The following RAB38 variants were observed in gnomAD, a reference collection of about 807,000 sequenced individuals.
RAB38 encodes ras-related protein Rab-38.
In RAB38, 15 loss-of-function variants were observed where a neutral mutation model predicts 18.4. The ratio of observed to expected loss-of-function variants is 0.82; its 90% confidence interval spans 0.55 to 1.26. The LOEUF (loss-of-function observed/expected upper bound fraction) is 1.26, where lower values mean the gene tolerates loss of function less well. RAB38 is among the 50% of genes most tolerant of loss of function. RAB38 has a pLI of 0.00. For synonymous variants in RAB38, 101 were observed against 104.4 expected (o/e 0.97, Z 0.20); for missense variants, 294 against 267.4 (o/e 1.10, Z -0.69).
the RAB38 span, among the ~76,000 whole-genome samples, chr11:87,947,763 A>G: frequency 3.1e-4 from 47 of 152,330 alleles, no homozygotes; most frequent in African/African-American, 1.1e-3. Context: ...TTTTGGTACC[A>G]GTACCATGCT....
the RAB38 span, among the ~76,000 whole-genome samples, chr11:87,969,000 A>C: frequency 3.9e-5 from 6 of 152,140 alleles, no homozygotes; most frequent in Non-Finnish European, 8.8e-5. Flanking sequence ...CGTCATCACT[A>C]TGCAGTATAT....
the RAB38 span, among the ~76,000 whole-genome samples, chr11:87,964,725 TA>T: frequency 6.4e-4 from 98 of 152,008 alleles, no homozygotes; most frequent in Middle Eastern, 3.4e-3. Flanking sequence ...AAAAAAAAAT[TA>T]AAAAAAATTG....
the RAB38 span, among the ~76,000 whole-genome samples, chr11:87,953,333 T>C: frequency 6.6e-6 from 1 of 152,154 alleles, no homozygotes; most frequent in African/African-American, 2.4e-5. Flanking sequence ...TAGAGAGTGA[T>C]GGGAGATACT....
chr11:88,118,459 T>C (rs190825419), intron 2 of RAB38, among the ~76,000 whole-genome samples: 7 of 152,348 alleles, frequency 4.6e-5, no homozygotes, highest in Non-Finnish European at 8.8e-5. Context: ...ATATAATTGA[T>C]TGAGCTAGTT....
At chr11:88,127,549 C>T (rs570603358) in intron 2 of RAB38, among the ~76,000 whole-genome samples, 2 of 152,288 alleles carry the variant, frequency 1.3e-5, no homozygotes, top group South Asian at 4.2e-4. Flanking sequence ...ATTCATTAAC[C>T]AATTTTATAT....
At chr11:88,125,209 C>G (rs945547465) in intron 2 of RAB38, among the ~76,000 whole-genome samples, 1 of 152,154 alleles carries the variant, frequency 6.6e-6, no homozygotes, top group Non-Finnish European at 1.5e-5. Context: ...GCTCACATTG[C>G]GTACTCAGAA....
the RAB38 span, among the ~76,000 whole-genome samples, chr11:87,907,448 C>A: frequency 6.6e-6 from 1 of 150,572 alleles, no homozygotes; most frequent in Non-Finnish European, 1.5e-5. Context: ...TTCTTTGACC[C>A]ATATTACAAA....
chr11:88,164,730 A>G (rs952609049), intron 1 of RAB38, among the ~76,000 whole-genome samples: 3 of 152,134 alleles, frequency 2.0e-5, no homozygotes, highest in African/African-American at 4.8e-5. Context: ...TAGAGGCACA[A>G]TGAAAAAATC....
chr11:88,091,387 C>T, the RAB38 span, among the ~76,000 whole-genome samples: 1 of 152,000 alleles, frequency 6.6e-6, no homozygotes, highest in Non-Finnish European at 1.5e-5. Flanking sequence ...ATGCCCTTCC[C>T]CTCAACTCTG....
chr11:87,935,130 A>T, the RAB38 span, among the ~76,000 whole-genome samples: 5 of 145,958 alleles, frequency 3.4e-5, no homozygotes, highest in Non-Finnish European at 6.0e-5. Flanking sequence ...GAAGATTTGG[A>T]GAAATTAAGG....
At chr11:87,961,092 A>C in the RAB38 span, among the ~76,000 whole-genome samples, 2 of 152,092 alleles carry the variant, frequency 1.3e-5, no homozygotes, top group Non-Finnish European at 2.9e-5. Flanking sequence ...GAATAAAATA[A>C]AATTTTCAAG....
At chr11:87,907,024 T>A in the RAB38 span, among the ~76,000 whole-genome samples, 1 of 151,958 alleles carries the variant, frequency 6.6e-6, no homozygotes, top group Non-Finnish European at 1.5e-5. Flanking sequence ...GCTGTAAGAA[T>A]CATCTTTGTA....
At chr11:88,167,953 C>A (rs1195639120) in intron 1 of RAB38, among the ~76,000 whole-genome samples, 1 of 152,152 alleles carries the variant, frequency 6.6e-6, no homozygotes, top group African/African-American at 2.4e-5. Flanking sequence ...TAAAGCTTCT[C>A]AATGGTTTGA....
chr11:87,876,043 G>T, the RAB38 span, among the ~76,000 whole-genome samples: 1 of 151,520 alleles, frequency 6.6e-6, no homozygotes, highest in South Asian at 2.1e-4. Context: ...AAGTGATGAA[G>T]TTAAGAATTG....
chr11:88,016,012 G>C, the RAB38 span, among the ~76,000 whole-genome samples: 4 of 151,924 alleles, frequency 2.6e-5, no homozygotes, highest in African/African-American at 9.7e-5. Context: ...CTAATATTTC[G>C]GCAATGTGCA....
At chr11:88,120,650 C>T (rs996629346) in intron 2 of RAB38, among the ~76,000 whole-genome samples, 1 of 152,138 alleles carries the variant, frequency 6.6e-6, no homozygotes, top group African/African-American at 2.4e-5. Flanking sequence ...AAGGGAGCTC[C>T]TAAGATTGTG....
chr11:88,061,126 A>T, the RAB38 span, among the ~76,000 whole-genome samples: 3 of 152,264 alleles, frequency 2.0e-5, no homozygotes, highest in African/African-American at 7.2e-5. Flanking sequence ...TCACAGATAT[A>T]ACAACAATCA....
intron 1 of RAB38, 123 bp from the exon 2 acceptor site, chr11:88,150,078 T>C: frequency 3.8e-6 from 4 of 1,046,370 alleles, no homozygotes; most frequent in Non-Finnish European, 5.5e-6. Context: ...TTACTGATAA[T>C]CTTTAAAGAG....
chr11:87,858,671 G>T, the RAB38 span, among the ~76,000 whole-genome samples: 2 of 151,920 alleles, frequency 1.3e-5, no homozygotes, highest in Non-Finnish European at 2.9e-5. Context: ...TTAATTTTGG[G>T]AAGACGCATA....
Sources: allele counts gnomAD v4.1 joint callset (sites outside exome capture counted in the v4.1 genomes callset), GRCh38; gene constraint gnomAD v4.1.1; transcripts MANE v1.5; gene names NCBI Gene and HGNC (gene_info 2026-07-23, HGNC 2026-07-21).